The following NAV1 variants were observed in gnomAD, a reference collection of about 807,000 sequenced individuals.
The protein encoded by NAV1 is neuron navigator 1, also known as pore membrane and/or filament interacting like protein 3.
In NAV1, 18 loss-of-function variants were observed where a neutral mutation model predicts 175.2. The observed-to-expected ratio is 0.10, with a 90% confidence interval of 0.07 to 0.15. The LOEUF (loss-of-function observed/expected upper bound fraction) is 0.15, where lower values mean the gene tolerates loss of function less well. NAV1 is among the 10% of genes least tolerant of loss of function. The pLI, the probability that NAV1 is intolerant of heterozygous loss-of-function variation, is 1.00. For missense variants in NAV1, 1,731 were observed against 2,436.6 expected (o/e 0.71, Z 6.10); for synonymous variants, 897 against 978.7 (o/e 0.92, Z 1.56).
intron 1 of NAV1, among the ~76,000 whole-genome samples, chr1:201,705,629 G>C (rs950875154): frequency 1.3e-5 from 2 of 152,154 alleles, no homozygotes; most frequent in Non-Finnish European, 2.9e-5. Flanking sequence ...TGACTTAAGT[G>C]GGGGAACGAG....
chr1:201,699,054 G>T (rs1020392846), intron 1 of NAV1, among the ~76,000 whole-genome samples: 1 of 152,148 alleles, frequency 6.6e-6, no homozygotes, highest in African/African-American at 2.4e-5. Flanking sequence ...CTCTCTCACC[G>T]CTCCTATTCA....
intron 3 of NAV1, among the ~76,000 whole-genome samples, chr1:201,768,327 C>G: frequency 1.6e-5 from 1 of 61,324 alleles, no homozygotes; most frequent in African/African-American, 8.3e-5. Flanking sequence ...GAAACTCCGT[C>G]TCAGAGAAAA....
chr1:201,818,528 CAAA>C (rs373302622), intron 29 of NAV1, among the ~76,000 whole-genome samples: 3 of 93,772 alleles, frequency 3.2e-5, no homozygotes, highest in Non-Finnish European at 4.7e-5. Context: ...GACTCCCTCT[CAAA>C]AAAAAAAAAA....
intron 3 of NAV1, among the ~76,000 whole-genome samples, chr1:201,747,904 A>G (rs1673871943): frequency 6.6e-6 from 1 of 152,126 alleles, no homozygotes; most frequent in Admixed American, 6.5e-5. Flanking sequence ...CTGAGTGCTT[A>G]TCTTGGGATC....
chr1:201,621,620 C>A (rs1668174476), upstream of NAV1, among the ~76,000 whole-genome samples: 1 of 152,354 alleles, frequency 6.6e-6, no homozygotes, highest in Middle Eastern at 3.4e-3. Context: ...GCGTGAGCCA[C>A]TGCGCCCAGT....
chr1:201,789,971 C>T (rs1403243681), intron 11 of NAV1, among the ~76,000 whole-genome samples, 179 bp downstream of exon 15: 1 of 152,140 alleles, frequency 6.6e-6, no homozygotes, highest in East Asian at 1.9e-4. Context: ...ACTTGGGTGC[C>T]TCAGGTCCTC....
intron 1 of NAV1, among the ~76,000 whole-genome samples, chr1:201,547,441 C>G (rs1376367009): frequency 1.3e-5 from 2 of 152,214 alleles, no homozygotes; most frequent in African/African-American, 2.4e-5. Context: ...TCTCAACCCA[C>G]AGCCTGCTCA....
rs374678130 is a variant in NAV1, at chr1:201,603,032, G to A, written c.-33+14383G>A. 5.3e-5 allele frequency among the ~76,000 whole-genome samples: 8 copies of A among 152,288 alleles called. 1 individual carries two copies. The South Asian group carries it at 1.4e-3, about 28-fold the overall frequency. On this transcript the variant is annotated intron_variant, in intron 2 of 33. Transcript: ENST00000685211. ...TGAGACAGCTGAATTAAACAGTGTCGGTGTGAGTCACTGCTCTCCTGCCTG... is the reference window on the plus strand; with the variant it reads ...TGAGACAGCTGAATTAAACAGTGTCAGTGTGAGTCACTGCTCTCCTGCCTG...
chr1:201,761,675 T>C (rs1431418196), intron 3 of NAV1, among the ~76,000 whole-genome samples: 1 of 152,226 alleles, frequency 6.6e-6, no homozygotes, highest in Non-Finnish European at 1.5e-5. Context: ...GTAGAAGAAT[T>C]TGTGCTTCTG....
At chr1:201,579,539 A>G (rs962143797) in intron 1 of NAV1, among the ~76,000 whole-genome samples, 1 of 152,216 alleles carries the variant, frequency 6.6e-6, no homozygotes, top group East Asian at 1.9e-4. Context: ...TATTTTTAGT[A>G]GAGATGGAGT....
intron 1 of NAV1, among the ~76,000 whole-genome samples, chr1:201,685,885 C>T (rs1160818110): frequency 6.6e-6 from 1 of 152,196 alleles, no homozygotes; most frequent in Non-Finnish European, 1.5e-5. Context: ...TGTGATGATA[C>T]ATGATGGATA....
chr1:201,699,935 T>G (rs1671344928), intron 1 of NAV1, among the ~76,000 whole-genome samples: 1 of 152,210 alleles, frequency 6.6e-6, no homozygotes, highest in Non-Finnish European at 1.5e-5. Context: ...TATACAAAAA[T>G]TAATTCAAGA....
Position 201,694,205 on chromosome 1 carries a change from G to A in NAV1, c.758-18612G>A, listed in dbSNP as rs759663643. 3.9e-5 allele frequency among the ~76,000 whole-genome samples: 6 copies of A among 152,234 alleles called. No individual in the cohort carries two copies. The highest frequency in any genetic ancestry group is 8.8e-5 in the Non-Finnish European group (6 of 68,040). On this transcript the variant is annotated intron_variant, in intron 1 of 29. Transcript: ENST00000367296. The surrounding 1 kb of genome is among the most constrained non-coding windows in gnomAD (Gnocchi z 4.2). Reference sequence around the variant, plus strand: ...CACGGAGAGCTGGAGGGGACCAGCAGCCCCCTAGTCATCACAGTCATCACT... The same window carrying A: ...CACGGAGAGCTGGAGGGGACCAGCAACCCCCTAGTCATCACAGTCATCACT...
intron 4 of NAV1, 105 bp from the exon 9 acceptor site, chr1:201,780,905 ACT>A (rs1186075982): frequency 4.7e-6 from 6 of 1,273,614 alleles, no homozygotes; most frequent in Non-Finnish European, 6.4e-6. Context: ...TTGACTTAAT[ACT>A]CTGAGATGAG....
chr1:201,580,383 G>A (rs923510755), intron 1 of NAV1, among the ~76,000 whole-genome samples: 2 of 152,204 alleles, frequency 1.3e-5, no homozygotes, highest in Non-Finnish European at 2.9e-5. Flanking sequence ...CACCTGTTCT[G>A]TGCCAGCCCA....
chr1:201,722,002 G>A (rs544962528), intron 3 of NAV1, among the ~76,000 whole-genome samples: 4 of 152,282 alleles, frequency 2.6e-5, no homozygotes, highest in Admixed American at 1.3e-4. Context: ...ACTGAAGTCA[G>A]CAAACTAGAA....
chr1:201,653,493 AT>A (rs1053685835), intron 1 of NAV1, among the ~76,000 whole-genome samples: 13 of 149,978 alleles, frequency 8.7e-5, no homozygotes, highest in African/African-American at 1.2e-4. Flanking sequence ...ATTGATGTGA[AT>A]TTTTTGGGGG....
At chr1:201,720,402 C>T (rs1672333370) in intron 3 of NAV1, among the ~76,000 whole-genome samples, 1 of 152,196 alleles carries the variant, frequency 6.6e-6, no homozygotes, top group Non-Finnish European at 1.5e-5. Context: ...CCCAGCACAG[C>T]TCCCAGATTG....
intron 1 of NAV1, among the ~76,000 whole-genome samples, chr1:201,547,112 G>T (rs993396656): frequency 1.3e-5 from 2 of 150,956 alleles, no homozygotes; most frequent in Non-Finnish European, 2.9e-5. Flanking sequence ...TCAGCCTCCC[G>T]AGTAGCTGGG....
Sources: gnomAD v4.1 joint callset for allele counts (sites outside exome capture counted in the v4.1 genomes callset) on GRCh38, gnomAD v4.1.1 for gene constraint, Gnocchi (gnomAD v3.1) non-coding constraint, MANE v1.5 for transcripts, NCBI Gene and HGNC (gene_info 2026-07-23, HGNC 2026-07-21) for gene names.